DGKB: variants seen among roughly 807,000 people sequenced by gnomAD.
The protein encoded by DGKB is 90 kDa diacylglycerol kinase.
DGKB carries 67 observed loss-of-function variants against 114.3 expected under a neutral mutation model. The ratio of observed to expected loss-of-function variants is 0.59; its 90% CI spans 0.48 to 0.72. The LOEUF (loss-of-function observed/expected upper bound fraction) is 0.72, where lower values mean the gene tolerates loss of function less well. DGKB is among the 30% of genes least tolerant of loss of function. The probability of loss-of-function intolerance (pLI) is 0.00; values close to 1 mark genes in which losing one functional copy is unlikely to be tolerated. For missense variants in DGKB, 907 were observed against 975.2 expected (o/e 0.93, Z 0.93); for synonymous variants, 398 against 323.1 (o/e 1.23, Z -2.49).
intron 5 of DGKB, among the ~76,000 whole-genome samples, chr7:14,721,911 G>A (rs1829229626): frequency 6.6e-6 from 1 of 152,126 alleles, no homozygotes; most frequent in Non-Finnish European, 1.5e-5. Context: ...AGACTGTACA[G>A]AGATTGAACA....
Position 14,605,447 on chromosome 7 carries a change from A to T in DGKB, c.1433+1987T>A, listed in dbSNP as rs529624583. Among the ~76,000 whole-genome samples the T allele has an allele frequency of 2.6e-5, 4 of 151,040 alleles. No homozygotes were observed. The East Asian group carries it at 7.8e-4, about 29-fold the overall frequency. On this transcript the variant is annotated intron_variant, in intron 17 of 25. Transcript: ENST00000402815. ...TAGATAGAGGGGAATATGCTCATTT[A>T]TATGTGTGTATTAGATTGGGAAGCT...
At chr7:14,289,263 A>G (rs1017845164) in intron 23 of DGKB, among the ~76,000 whole-genome samples, 6 of 152,152 alleles carry the variant, frequency 3.9e-5, no homozygotes, top group South Asian at 2.1e-4. Context: ...CAGGGTGTGA[A>G]AAGGGCAACA....
chr7:14,259,293 T>A (rs1357235818), intron 23 of DGKB, among the ~76,000 whole-genome samples: 1 of 149,710 alleles, frequency 6.7e-6, no homozygotes, highest in African/African-American at 2.5e-5. Context: ...AATGCAATAC[T>A]GGCAAATTAA....
chr7:14,681,966 A>G (rs868221239), intron 12 of DGKB, among the ~76,000 whole-genome samples: 27 of 152,100 alleles, frequency 1.8e-4, no homozygotes, highest in Admixed American at 8.5e-4. Flanking sequence ...AAGAAGCGTA[A>G]GATGAATTTT....
chr7:14,594,413 T>C (rs1021492724), intron 17 of DGKB, among the ~76,000 whole-genome samples: 1 of 152,054 alleles, frequency 6.6e-6, no homozygotes, highest in Non-Finnish European at 1.5e-5. Context: ...ACATAGAGAA[T>C]TGACAGACAA....
At chr7:14,441,020 A>G (rs1830014998) in intron 21 of DGKB, among the ~76,000 whole-genome samples, 1 of 151,736 alleles carries the variant, frequency 6.6e-6, no homozygotes, top group African/African-American at 2.4e-5. Context: ...TTCTTTTAGA[A>G]TTCTTTTTTT....
At chr7:14,246,892 A>T (rs1432671480) in intron 23 of DGKB, among the ~76,000 whole-genome samples, 2 of 152,192 alleles carry the variant, frequency 1.3e-5, no homozygotes, top group South Asian at 4.1e-4. Flanking sequence ...ATTATTAATG[A>T]CACTGCAATA....
chr7:14,851,660 T>G (rs1035766763), intron 1 of DGKB, among the ~76,000 whole-genome samples: 5 of 152,196 alleles, frequency 3.3e-5, no homozygotes, highest in South Asian at 2.1e-4. Flanking sequence ...CTATACCTTA[T>G]AGCAGAAGTG....
intron 17 of DGKB, among the ~76,000 whole-genome samples, chr7:14,590,155 TATA>T (rs140363395): frequency 0.024 from 829 of 34,208 alleles, 1 homozygote; most frequent in African/African-American, 0.082. Context: ...AAACTTAAAG[TATA>T]ATAATAAAAA....
chr7:14,631,649 T>C (rs1227734948), intron 13 of DGKB, among the ~76,000 whole-genome samples: 2 of 152,002 alleles, frequency 1.3e-5, no homozygotes, highest in Non-Finnish European at 2.9e-5. Flanking sequence ...CTGATTTCAG[T>C]AACATTCTTG....
chr7:14,924,657 A>C (rs1784667112), intron 1 of DGKB, among the ~76,000 whole-genome samples: 1 of 151,436 alleles, frequency 6.6e-6, no homozygotes, highest in Admixed American at 6.6e-5. Context: ...AAGGTTTCCA[A>C]TTTTTTTTTA....
intron 1 of DGKB, among the ~76,000 whole-genome samples, chr7:14,873,818 T>A (rs1161722959): frequency 6.6e-6 from 1 of 152,018 alleles, no homozygotes; most frequent in Non-Finnish European, 1.5e-5. Flanking sequence ...TTTAAAAGTA[T>A]TCAGTTTCTA....
chr7:14,204,454 G>T (rs933972379), intron 23 of DGKB, among the ~76,000 whole-genome samples: 3 of 152,014 alleles, frequency 2.0e-5, no homozygotes, highest in Admixed American at 6.6e-5. Flanking sequence ...TGATTAGCCT[G>T]AAGTCTCTGG....
intron 23 of DGKB, among the ~76,000 whole-genome samples, chr7:14,213,071 T>C (rs1263690346): frequency 1.3e-5 from 2 of 152,106 alleles, no homozygotes; most frequent in South Asian, 2.1e-4. Context: ...TATGTACCAG[T>C]TCAATTTGAA....
At chr7:14,400,669 T>G (rs546522836) in intron 21 of DGKB, among the ~76,000 whole-genome samples, 4 of 151,626 alleles carry the variant, frequency 2.6e-5, no homozygotes, top group African/African-American at 9.7e-5. Context: ...ATGCAGCTAT[T>G]TCCTTTGATT....
chr7:14,176,472 C>A (rs1489098978), intron 25 of DGKB: 3 of 996,356 alleles, frequency 3.0e-6, no homozygotes, highest in Middle Eastern at 5.1e-4. Flanking sequence ...CTTAGGTCTG[C>A]ATTTCTTGCA....
Position 14,580,927 on chromosome 7 carries a change from G to C in DGKB, c.1544C>G (p.Pro515Arg). 1 of 1,603,886 alleles carries C rather than the reference G, an allele frequency of 6.2e-7. No individual in the cohort carries two copies. The highest frequency in any genetic ancestry group is 8.5e-7 in the Non-Finnish European group (1 of 1,173,096). Residue 515 changes from proline to arginine, a missense_variant, in exon 19 of 26, where the codon CCT (proline) becomes CGT (arginine). Pro to Arg is a moderately radical substitution (Grantham distance 103, BLOSUM62 -2). Transcript: ENST00000402815. ...CCCAAGAGGCAGAATCGCAACTGGA[G>C]GATGCTTGCCTACATTGGCCTTTTC... ...CIEKANVGKH[P>R]PVAILPLGTG...
chr7:14,676,644 G>A lies in DGKB; in HGVS notation c.1036-3617C>T, dbSNP rs562908933. On this transcript the variant is annotated intron_variant, in intron 12 of 25. Coordinates refer to ENST00000402815, the MANE Select transcript of DGKB (RefSeq NM_001350709.2). ...TTGCTTAAACTTATCATCATATTTC[G>A]TGGACAAGAATATAAGAAAAAGACA... Among the ~76,000 whole-genome samples the A allele has an allele frequency of 3.4e-4, 51 of 152,000 alleles. No homozygotes were observed. In the South Asian group the frequency reaches 9.9e-3, roughly 30 times the overall value.
At chr7:14,847,693 T>C (rs1465089397) in intron 1 of DGKB, among the ~76,000 whole-genome samples, 1 of 152,106 alleles carries the variant, frequency 6.6e-6, no homozygotes, top group Non-Finnish European at 1.5e-5. Flanking sequence ...ATAAGTTATA[T>C]GAAAAAAGGC....
Sources: gnomAD v4.1 joint callset for allele counts (sites outside exome capture counted in the v4.1 genomes callset) on GRCh38, gnomAD v4.1.1 for gene constraint, MANE v1.5 for transcripts, NCBI Gene and HGNC (gene_info 2026-07-23, HGNC 2026-07-21) for gene names.